The following APOO variants were observed in gnomAD, a reference collection of about 807,000 sequenced individuals.
APOO encodes apolipoprotein O.
Under a neutral mutation model 23.1 loss-of-function variants are expected in APOO, and 11 were observed. That is an observed-to-expected ratio of 0.48 (90% CI 0.30 to 0.79). The LOEUF is 0.79. APOO is among the 30% of genes least tolerant of loss of function. The pLI, the probability that APOO is intolerant of heterozygous loss-of-function variation, is 0.07. For synonymous variants in APOO, 59 were observed against 54.8 expected (o/e 1.08, Z -0.34); for missense variants, 160 against 142.7 (o/e 1.12, Z -0.62).
intron 4 of APOO, among the ~76,000 whole-genome samples, chrX:23,872,777 G>A (rs1001597179): frequency 2.7e-5 from 3 of 110,667 alleles, no homozygotes; most frequent in Non-Finnish European, 3.8e-5. Context: ...TAAGCTAGGC[G>A]CGGTGGCTCA....
At chrX:23,865,390 G>A (rs1203679200) in intron 5 of APOO, among the ~76,000 whole-genome samples, 1 of 110,606 alleles carries the variant, frequency 9.0e-6, no homozygotes, top group Non-Finnish European at 1.9e-5. Flanking sequence ...GATCACTTGA[G>A]GTCAGGAGTT....
chrX:23,855,906 A>G (rs1360909400), intron 7 of APOO, among the ~76,000 whole-genome samples: 5 of 112,215 alleles, frequency 4.5e-5, no homozygotes, highest in Non-Finnish European at 9.4e-5. Context: ...AGAACTCATG[A>G]TAAGTGAAAA....
chrX:23,897,022 C>A (rs1479003935), intron 1 of APOO, among the ~76,000 whole-genome samples: 1 of 111,463 alleles, frequency 9.0e-6, no homozygotes, highest in Non-Finnish European at 1.9e-5. Flanking sequence ...ATTTTTAATT[C>A]TTTAGTTCTG....
chrX:23,902,862 T>C (rs1238923010), intron 1 of APOO, among the ~76,000 whole-genome samples: 1 of 111,332 alleles, frequency 9.0e-6, no homozygotes, highest in East Asian at 2.8e-4. Flanking sequence ...TACCGTTTAC[T>C]CCATCCCCAC....
chrX:23,864,144 C>T (rs767332903), intron 5 of APOO, among the ~76,000 whole-genome samples: 96 of 109,159 alleles, frequency 8.8e-4, no homozygotes, highest in Non-Finnish European at 1.3e-3. Flanking sequence ...TACAGGTATG[C>T]GCCACCATGC....
intron 8 of APOO, among the ~76,000 whole-genome samples, chrX:23,839,809 T>C (rs1009098077): frequency 1.8e-5 from 2 of 111,658 alleles, no homozygotes; most frequent in African/African-American, 6.5e-5. Flanking sequence ...AGATATACCA[T>C]AATTAAGCCA....
At chrX:23,900,367 G>T (rs763671114) in intron 1 of APOO, among the ~76,000 whole-genome samples, 46 of 111,450 alleles carry the variant, frequency 4.1e-4, no homozygotes, top group Non-Finnish European at 5.3e-4. Context: ...ATCAGAGGAC[G>T]CTGAGAGATT....
At chrX:23,907,373 C>T (rs768515375) in intron 1 of APOO, among the ~76,000 whole-genome samples, 1 of 112,107 alleles carries the variant, frequency 8.9e-6, no homozygotes, top group Non-Finnish European at 1.9e-5. Flanking sequence ...CTCACCCTAC[C>T]CACGATCCCA....
chrX:23,838,664 C>T (rs1247178571), intron 8 of APOO, among the ~76,000 whole-genome samples: 3 of 110,195 alleles, frequency 2.7e-5, no homozygotes, highest in Admixed American at 1.9e-4. Flanking sequence ...GTGATCTGCC[C>T]ACCTTGGCCT....
intron 7 of APOO, among the ~76,000 whole-genome samples, chrX:23,849,609 A>AAAAAAAAAAG (rs1311653969): frequency 2.1e-5 from 2 of 94,477 alleles, no homozygotes; most frequent in Non-Finnish European, 4.0e-5. Flanking sequence ...AAAAAAAAAA[A>AAAAAAAAAAG]GTTCGGGCAT....
chrX:23,895,774 G>A (rs1234448488), intron 1 of APOO, among the ~76,000 whole-genome samples: 2 of 109,151 alleles, frequency 1.8e-5, no homozygotes, highest in Non-Finnish European at 3.8e-5. Context: ...TGGTGGTGGT[G>A]GCGGTAAAGA....
chrX:23,875,046 T>TG (rs940540640), intron 3 of APOO, among the ~76,000 whole-genome samples: 3 of 111,357 alleles, frequency 2.7e-5, no homozygotes, highest in African/African-American at 9.8e-5. Context: ...GGTCAGGAGT[T>TG]GGAGACCAGC....
intron 8 of APOO, among the ~76,000 whole-genome samples, chrX:23,834,149 C>T (rs1265291808): frequency 9.1e-6 from 1 of 110,110 alleles, no homozygotes; most frequent in Non-Finnish European, 1.9e-5. Flanking sequence ...AATCCCAGCA[C>T]TTTAGGAGGC....
At chrX:23,874,044 T>C (rs1171586368) in intron 4 of APOO, among the ~76,000 whole-genome samples, 2 of 112,438 alleles carry the variant, frequency 1.8e-5, no homozygotes, top group South Asian at 3.6e-4. Flanking sequence ...TTCTAGAGCA[T>C]CTATTAATTG....
chrX:23,843,024 C>A (rs1924067835), intron 7 of APOO, among the ~76,000 whole-genome samples: 1 of 109,135 alleles, frequency 9.2e-6, no homozygotes, highest in Admixed American at 9.8e-5. Context: ...CAAACAAAAA[C>A]AAACAAACAA....
chrX:23,875,348 T>A (rs754427377), intron 3 of APOO, among the ~76,000 whole-genome samples: 1 of 110,294 alleles, frequency 9.1e-6, no homozygotes, highest in South Asian at 3.9e-4. Flanking sequence ...AAGAGATACA[T>A]GGGTATCAGA....
intron 7 of APOO, among the ~76,000 whole-genome samples, chrX:23,844,526 G>C (rs1388866401): frequency 9.0e-6 from 1 of 111,092 alleles, no homozygotes; most frequent in Non-Finnish European, 1.9e-5. Flanking sequence ...ATCTGCAAAC[G>C]ACTTGCTGCA....
intron 4 of APOO, among the ~76,000 whole-genome samples, chrX:23,870,712 G>A (rs1925570741): frequency 9.1e-6 from 1 of 109,299 alleles, no homozygotes; most frequent in Admixed American, 9.9e-5. Flanking sequence ...GATTGCTTGA[G>A]TCCAGGAAGT....
chrX:23,852,911 GCC>G (rs1169728332), intron 7 of APOO, among the ~76,000 whole-genome samples: 2 of 109,889 alleles, frequency 1.8e-5, no homozygotes, highest in Non-Finnish European at 3.8e-5. Flanking sequence ...CAGCTCCAAG[GCC>G]CCAGAAAGAT....
Sources: gnomAD v4.1 joint callset for allele counts (sites outside exome capture counted in the v4.1 genomes callset) on GRCh38, gnomAD v4.1.1 for gene constraint, MANE v1.5 for transcripts, NCBI Gene and HGNC (gene_info 2026-07-23, HGNC 2026-07-21) for gene names.